Variants in KDM4C observed in about 807,000 individuals in gnomAD.
KDM4C encodes the protein lysine demethylase 4C, also known as lysine-specific demethylase 4C.
Under a neutral mutation model 129.3 loss-of-function variants are expected in KDM4C, and 81 were observed. The ratio of observed to expected loss-of-function variants is 0.63; its 90% confidence interval spans 0.52 to 0.75. The LOEUF (loss-of-function observed/expected upper bound fraction) is 0.75, where lower values mean the gene tolerates loss of function less well. KDM4C is among the 30% of genes least tolerant of loss of function. KDM4C has a pLI of 0.00. For missense variants in KDM4C, 1,457 were observed against 1,304.0 expected (o/e 1.12, Z -1.81); for synonymous variants, 573 against 456.1 (o/e 1.26, Z -3.26).
chr9:6,913,281 T>A (rs1481949095), intron 8 of KDM4C, among the ~76,000 whole-genome samples: 1 of 152,100 alleles, frequency 6.6e-6, no homozygotes, highest in Non-Finnish European at 1.5e-5. Flanking sequence ...TTAAAATGTT[T>A]CCTAGTATTA....
intron 17 of KDM4C, among the ~76,000 whole-genome samples, chr9:7,069,568 G>A (rs1217834193): frequency 2.6e-5 from 4 of 152,162 alleles, no homozygotes; most frequent in Non-Finnish European, 5.9e-5. Context: ...TTACAGATTC[G>A]TGGGAAGTTG....
intron 12 of KDM4C, among the ~76,000 whole-genome samples, chr9:7,008,797 G>A (rs1822155037): frequency 6.6e-6 from 1 of 152,170 alleles, no homozygotes; most frequent in Admixed American, 6.5e-5. Flanking sequence ...ACATACTGAC[G>A]CAGACACAAG....
Position 7,128,962 on chromosome 9 carries a change from C to T in KDM4C, c.2781+726C>T, listed in dbSNP as rs1840323458. 2.0e-5 allele frequency among the ~76,000 whole-genome samples: 3 copies of T among 152,144 alleles called. No homozygotes were observed. The South Asian group carries it at 6.2e-4, about 32-fold the overall frequency. On this transcript the variant is annotated intron_variant, in intron 19 of 21. Transcript: ENST00000381309. ...GAAGGGTGTTTTCACAAGAAGAGCACTTTCCACAGAGGGTTTTTTTTGACA... is the reference window on the plus strand; with the variant it reads ...GAAGGGTGTTTTCACAAGAAGAGCATTTTCCACAGAGGGTTTTTTTTGACA...
Position 6,988,163 on chromosome 9 carries a change from A to T in KDM4C, c.1677+1497A>T, listed in dbSNP as rs1269634335. ...GAGTGAGAGACCCTGTCTCTTAAAAAAAAAAAAAAAAAAAAAAAAAAGGAA... is the reference window on the plus strand; with the variant it reads ...GAGTGAGAGACCCTGTCTCTTAAAATAAAAAAAAAAAAAAAAAAAAAGGAA... On this transcript the variant is annotated intron_variant, in intron 11 of 21. Coordinates refer to ENST00000381309, the MANE Select transcript of KDM4C (RefSeq NM_015061.6). 2.1e-4 allele frequency among the ~76,000 whole-genome samples: 8 copies of T among 38,184 alleles called. No homozygotes were observed. In the South Asian group the frequency reaches 2.9e-3, roughly 14 times the overall value. 25.1% of individuals were successfully genotyped at this position (38,184 alleles called of 152,430 possible).
chr9:7,028,938 C>G (rs115435735), intron 15 of KDM4C, among the ~76,000 whole-genome samples: 1 of 152,238 alleles, frequency 6.6e-6, no homozygotes, highest in African/African-American at 2.4e-5. Context: ...GTTGGTGATT[C>G]AAGACTGTTT....
chr9:6,751,432 C>T (rs536152707), intron 1 of KDM4C, among the ~76,000 whole-genome samples: 128 of 152,064 alleles, frequency 8.4e-4, no homozygotes, highest in African/African-American at 3.1e-3. Flanking sequence ...GGTAACACAC[C>T]CAGATCCTGT....
intron 15 of KDM4C, among the ~76,000 whole-genome samples, chr9:7,046,630 A>G (rs1369117073): frequency 1.3e-5 from 2 of 152,030 alleles, no homozygotes; most frequent in African/African-American, 2.4e-5. Flanking sequence ...GGTTCATTTC[A>G]TGATGGTTCC....
At chr9:6,723,267 C>G (rs538427243) in intron 1 of KDM4C, among the ~76,000 whole-genome samples, 24 of 151,712 alleles carry the variant, frequency 1.6e-4, no homozygotes, top group African/African-American at 5.8e-4. Context: ...CCCAGCTACT[C>G]GGGAGGCTGA....
In KDM4C at chr9:6,758,210, G is replaced by T; in HGVS notation, c.-18+7G>T. ...GCCCCAACCCGCGCGCCAGGTAACC[G>T]CTTTTCCGGAGTCTGGGGGCCAGGG... On this transcript the variant is annotated splice_region_variant and intron_variant, in intron 1 of 21. Coordinates refer to ENST00000381309, the MANE Select transcript of KDM4C (RefSeq NM_015061.6). This position sits in a 1 kb window ranked among gnomAD's most constrained non-coding sequence, Gnocchi z 4.6. The T allele has an allele frequency of 1.0e-6, 1 of 985,742 alleles. No individual in the cohort carries two copies. The highest frequency in any genetic ancestry group is 1.2e-6 in the Non-Finnish European group (1 of 830,194). The allele number at this position is 985,742 out of a possible 1,614,324, so 61.1% of individuals were successfully genotyped here. A position where few individuals can be genotyped will look rare whatever the true frequency, so the allele number is the denominator to read the frequency against.
chr9:6,860,750 A>G (rs1840775887), intron 5 of KDM4C, among the ~76,000 whole-genome samples: 1 of 152,190 alleles, frequency 6.6e-6, no homozygotes, highest in African/African-American at 2.4e-5. Flanking sequence ...CATTAAAGTT[A>G]GTGTGTTTTT....
intron 8 of KDM4C, among the ~76,000 whole-genome samples, chr9:6,908,346 A>G (rs1818689960): frequency 6.6e-6 from 1 of 152,324 alleles, no homozygotes; most frequent in Admixed American, 6.5e-5. Flanking sequence ...TACTTAGTGT[A>G]GCTGCTGTGC....
At chr9:6,818,417 T>C (rs565038738) in intron 4 of KDM4C, among the ~76,000 whole-genome samples, 1 of 152,346 alleles carries the variant, frequency 6.6e-6, no homozygotes, top group African/African-American at 2.4e-5. Context: ...AGTCATTAGA[T>C]GTTGCCCATA....
chr9:7,148,754 G>GTTC (rs1842448913), intron 19 of KDM4C, among the ~76,000 whole-genome samples: 1 of 152,222 alleles, frequency 6.6e-6, no homozygotes, highest in Non-Finnish European at 1.5e-5. Context: ...GAGGAGACCT[G>GTTC]AAGTGGGTAG....
At chr9:6,882,772 T>TTGTGTG (rs3072026) in intron 6 of KDM4C, among the ~76,000 whole-genome samples, 5,479 of 149,704 alleles carry the variant, frequency 0.037, 100 homozygotes, top group Non-Finnish European at 0.052. Context: ...TTTTAAGCAT[T>TTGTGTG]TGTGTGTGTG....
intron 18 of KDM4C, among the ~76,000 whole-genome samples, chr9:7,122,589 A>C (rs1839623245): frequency 6.6e-6 from 1 of 152,182 alleles, no homozygotes; most frequent in Non-Finnish European, 1.5e-5. Context: ...ACTACCTCAC[A>C]AAATTATTGG....
At chr9:6,785,078 C>G (rs144066568) in intron 1 of KDM4C, among the ~76,000 whole-genome samples, 1 of 152,172 alleles carries the variant, frequency 6.6e-6, no homozygotes, top group Non-Finnish European at 1.5e-5. Flanking sequence ...GCTAATGTAA[C>G]TAATTATCAC....
rs534232470 is a variant in KDM4C, at chr9:6,859,643, G to A, written c.629+9943G>A. 4.0e-3 allele frequency among the ~76,000 whole-genome samples: 603 copies of A among 150,828 alleles called. 3 individuals carry two copies. The highest frequency in any genetic ancestry group is 6.9e-3 in the Non-Finnish European group (470 of 67,722). On this transcript the variant is annotated intron_variant, in intron 5 of 21. Transcript: ENST00000381309. ...TTTGGGAGGCCCAGGCGGGCAGATC[G>A]CGAGATCCGGAGATCGAAACCATCC...
intron 4 of KDM4C, chr9:6,834,699 T>C: frequency 9.3e-6 from 8 of 861,052 alleles, no homozygotes; most frequent in South Asian, 6.6e-5. Flanking sequence ...TGGGACAACA[T>C]GGAGAAGATC....
intron 19 of KDM4C, among the ~76,000 whole-genome samples, chr9:7,161,077 C>A (rs554274630): frequency 3.9e-4 from 59 of 152,350 alleles, no homozygotes; most frequent in Middle Eastern, 3.4e-3. Flanking sequence ...CCTCGCACTT[C>A]AGTCTCAGAC....
Sources: gnomAD v4.1 joint callset for allele counts (sites outside exome capture counted in the v4.1 genomes callset) on GRCh38, gnomAD v4.1.1 for gene constraint, Gnocchi (gnomAD v3.1) non-coding constraint, MANE v1.5 for transcripts, NCBI Gene and HGNC (gene_info 2026-07-23, HGNC 2026-07-21) for gene names.